The following MED28 variants were observed in gnomAD, a reference collection of about 807,000 sequenced individuals.
MED28 encodes the protein mediator of RNA polymerase II transcription subunit 28.
Under a neutral mutation model 21.3 loss-of-function variants are expected in MED28, and 26 were observed. The ratio of observed to expected loss-of-function variants is 1.22; its 90% confidence interval spans 0.89 to 1.69. The LOEUF is 1.69. MED28 is among the 40% of genes most tolerant of loss of function. The probability of loss-of-function intolerance (pLI) is 0.00; values close to 1 mark genes in which losing one functional copy is unlikely to be tolerated. For synonymous variants in MED28, 110 were observed against 87.6 expected (o/e 1.26, Z -1.43); for missense variants, 257 against 215.4 (o/e 1.19, Z -1.21).
rs1714980392 is a variant in MED28 at position 17,632,435 on chromosome 4, T to C, written c.*8637T>C. 1.0e-6 allele frequency: 1 copy of C among 1,002,594 alleles called. No homozygotes were observed. Among genetic ancestry groups the C allele is most frequent in the Admixed American group, 2.6e-5 (1 of 38,524 alleles). 62.1% of individuals were successfully genotyped at this position (1,002,594 alleles called of 1,614,324 possible). On this transcript the variant is annotated 3_prime_UTR_variant, in exon 4 of 4. Coordinates refer to ENST00000237380, the MANE Select transcript of MED28 (RefSeq NM_025205.5). ...AGCTATCATATATAAATCATAAGCATATTATTTGGTTGGTTGGTGTTAGTT... is the reference window on the plus strand; with the variant it reads ...AGCTATCATATATAAATCATAAGCACATTATTTGGTTGGTTGGTGTTAGTT...
chr4:17,632,719 G>T lies in MED28; in HGVS notation c.*8921G>T. On this transcript the variant is annotated 3_prime_UTR_variant, in exon 4 of 4. Coordinates refer to ENST00000237380, the MANE Select transcript of MED28 (RefSeq NM_025205.5). ...TCTTTTCAGGGAAAGATAACTGCTTGTTTACTCTTCAAAAACACCCAAATG... is the reference window on the plus strand; with the variant it reads ...TCTTTTCAGGGAAAGATAACTGCTTTTTTACTCTTCAAAAACACCCAAATG... 1 of 838,002 alleles carries T rather than the reference G, an allele frequency of 1.2e-6. No individual in the cohort carries two copies. Among genetic ancestry groups the T allele is most frequent in the Non-Finnish European group, 1.9e-6 (1 of 529,858 alleles). The allele number at this position is 838,002 out of a possible 1,614,324, so 51.9% of individuals were successfully genotyped here.
At position 17,624,425 on chromosome 4, in the gene MED28, G is replaced by C. The variant is rs994560804; in HGVS notation, c.*627G>C. ...GATCCTTAGGTTGATGCTGACTTCT[G>C]TTTGGGGTATGTTTATATTTTATGT... On this transcript the variant is annotated 3_prime_UTR_variant, in exon 4 of 4. Transcript: ENST00000237380. 2.6e-5 allele frequency: 4 copies of C among 151,860 alleles called. No individual in the cohort carries two copies. The highest frequency in any genetic ancestry group is 2.1e-4 in the South Asian group (1 of 4,830). 9.4% of individuals were successfully genotyped at this position (151,860 alleles called of 1,614,324 possible).
chr4:17,632,731 A>G lies in MED28; in HGVS notation c.*8933A>G, dbSNP rs576947377. The G allele has an allele frequency of 1.1e-5, 8 of 744,368 alleles. No individual in the cohort carries two copies. The highest frequency in any genetic ancestry group is 1.0e-4 in the South Asian group (6 of 58,206). 46.1% of individuals were successfully genotyped at this position (744,368 alleles called of 1,614,324 possible). On this transcript the variant is annotated 3_prime_UTR_variant, in exon 4 of 4. Coordinates refer to ENST00000237380, the MANE Select transcript of MED28 (RefSeq NM_025205.5). The stretch of plus-strand genomic sequence containing the variant: ...AAGATAACTGCTTGTTTACTCTTCA[A>G]AAACACCCAAATGGGACTGGCCAAC...
intron 1 of MED28, among the ~76,000 whole-genome samples, chr4:17,616,157 A>G (rs182117055): frequency 1.3e-5 from 2 of 152,074 alleles, no homozygotes; most frequent in African/African-American, 4.8e-5. Context: ...GGGCTTCACT[A>G]TCTTGGCCAG....
At position 17,632,532 on chromosome 4, in the gene MED28, T is replaced by G; in HGVS notation, c.*8734T>G. On this transcript the variant is annotated 3_prime_UTR_variant, in exon 4 of 4. Coordinates refer to ENST00000237380, the MANE Select transcript of MED28 (RefSeq NM_025205.5). ...TCTGTGATGTATCCCAAAGGTTAGC[T>G]TAGAAAGAAAAGTACTTGGTGAACC... is the stretch of plus-strand genomic sequence containing the variant. 6.5e-7 allele frequency: 1 copy of G among 1,549,226 alleles called. No homozygotes were observed.
At chr4:17,618,993 C>G (rs910327489) in intron 1 of MED28, among the ~76,000 whole-genome samples, 2 of 152,244 alleles carry the variant, frequency 1.3e-5, no homozygotes, top group Non-Finnish European at 2.9e-5. Context: ...GAGCTCAGAT[C>G]TGTCTGCCTC....
In MED28 at chr4:17,624,360, G is replaced by A. The variant is rs149358905; in HGVS notation, c.*562G>A. 0.011 allele frequency: 1,800 copies of A among 157,698 alleles called. 40 individuals are homozygous for A. The highest frequency in any genetic ancestry group is 0.041 in the African/African-American group (1,695 of 41,564). The allele number at this position is 157,698 out of a possible 1,614,324, so 9.8% of individuals were successfully genotyped here. ...TTTTTTTGTAAATAGGTCAGAAGACGATGGAACTGTCCTGGGTTAGTATAG... is the reference window on the plus strand; with the variant it reads ...TTTTTTTGTAAATAGGTCAGAAGACAATGGAACTGTCCTGGGTTAGTATAG... On this transcript the variant is annotated 3_prime_UTR_variant, in exon 4 of 4. Transcript: ENST00000237380.
chr4:17,619,112 C>A (rs894579750), intron 1 of MED28, among the ~76,000 whole-genome samples: 1 of 152,190 alleles, frequency 6.6e-6, no homozygotes, highest in African/African-American at 2.4e-5. Flanking sequence ...CTGTGCCTCC[C>A]CAATCTCCCT....
chr4:17,621,240 C>CT (rs1162054984), intron 2 of MED28, among the ~76,000 whole-genome samples: 10 of 151,878 alleles, frequency 6.6e-5, no homozygotes, highest in African/African-American at 2.4e-4. Flanking sequence ...TCTCAATCTC[C>CT]TAACCTCATG....
chr4:17,616,202 G>T (rs992236465), intron 1 of MED28, among the ~76,000 whole-genome samples: 1 of 152,116 alleles, frequency 6.6e-6, no homozygotes, highest in Non-Finnish European at 1.5e-5. Context: ...TGATCCACCC[G>T]CCTCGGCCTC....
chr4:17,614,882 C>T, intron 1 of MED28, 69 bp downstream of exon 1: 1 of 1,498,030 alleles, frequency 6.7e-7, no homozygotes, highest in South Asian at 1.3e-5. Flanking sequence ...TGCGCGTACG[C>T]GTATCTCCTC....
At position 17,631,030 on chromosome 4, in the gene MED28, G is replaced by A. The variant is rs1028248928; in HGVS notation, c.*7232G>A. On this transcript the variant is annotated 3_prime_UTR_variant, in exon 4 of 4. Transcript: ENST00000237380. The stretch of plus-strand genomic sequence containing the variant: ...ATTTTGCCCCCTAAAAGTTGTTATT[G>A]AGTCTTGTCAAATCACATTGCTCTG... The A allele has an allele frequency of 2.0e-5, 3 of 152,162 alleles. No individual in the cohort carries two copies. The highest frequency in any genetic ancestry group is 7.2e-5 in the African/African-American group (3 of 41,426). 9.4% of individuals were successfully genotyped at this position (152,162 alleles called of 1,614,324 possible). A position where few individuals can be genotyped will look rare whatever the true frequency, so the allele number is the denominator to read the frequency against.
Position 17,623,869 on chromosome 4 carries a change from A to T in MED28, c.*71A>T. On this transcript the variant is annotated 3_prime_UTR_variant, in exon 4 of 4. Transcript: ENST00000237380. ...GTTGGCCACACATTCCTTCCTGTGG[A>T]CTTGACATTTTGGAAGAACTCTTTG... 1 of 1,495,166 alleles carries T rather than the reference A, an allele frequency of 6.7e-7. No homozygotes were observed. The highest frequency in any genetic ancestry group is 9.1e-7 in the Non-Finnish European group (1 of 1,099,288). 92.6% of individuals were successfully genotyped at this position (1,495,166 alleles called of 1,614,324 possible). A position where few individuals can be genotyped will look rare whatever the true frequency, so the allele number is the denominator to read the frequency against.
chr4:17,632,830 G>C lies in MED28; in HGVS notation c.*9032G>C, dbSNP rs567233283. ...CCTAATCCTCATTTGGAAAACAGAA[G>C]GTTCACCATTGTTTGGTTCTCCATT... is the stretch of plus-strand genomic sequence containing the variant. On this transcript the variant is annotated 3_prime_UTR_variant, in exon 4 of 4. Coordinates refer to ENST00000237380, the MANE Select transcript of MED28 (RefSeq NM_025205.5). The C allele has an allele frequency of 2.2e-6, 1 of 454,150 alleles. No homozygotes were observed. Among genetic ancestry groups the C allele is most frequent in the African/African-American group, 2.0e-5 (1 of 51,088 alleles). The allele number at this position is 454,150 out of a possible 1,614,324, so 28.1% of individuals were successfully genotyped here.
In MED28 at chr4:17,628,255, C is replaced by CGTGTGT. The variant is rs71167314; in HGVS notation, c.*4488_*4493dup. ...GCTGGTTAAAACGAGTGACAGCTGC[C>CGTGTGT]GTGTGTGTGTGTGTGTGTGTGTGTG... On this transcript the variant is annotated 3_prime_UTR_variant, in exon 4 of 4. Coordinates refer to ENST00000237380, the MANE Select transcript of MED28 (RefSeq NM_025205.5). 0.094 allele frequency: 13,191 copies of CGTGTGT among 140,728 alleles called. 726 individuals are homozygous for CGTGTGT. Among genetic ancestry groups the CGTGTGT allele is most frequent in the Non-Finnish European group, 0.1 (6,751 of 65,114 alleles). The allele number at this position is 140,728 out of a possible 1,614,324, so 8.7% of individuals were successfully genotyped here.
Position 17,624,504 on chromosome 4 carries a change from CTAACATTCATTACATTCTGCA to C in MED28, c.*707_*727del, listed in dbSNP as rs1380740074. ...AGGATATAGTGGGAGCAGTGATACGCTAACATTCATTACATTCTGCAGTAATGAATCTGTTTAATGGGTCAG... is the reference window on the plus strand; with the variant it reads ...AGGATATAGTGGGAGCAGTGATACGCGTAATGAATCTGTTTAATGGGTCAG... On this transcript the variant is annotated 3_prime_UTR_variant, in exon 4 of 4. Transcript: ENST00000237380. 6.6e-6 allele frequency: 1 copy of C among 151,940 alleles called. No individual in the cohort carries two copies. Among genetic ancestry groups the C allele is most frequent in the Non-Finnish European group, 1.5e-5 (1 of 68,066 alleles). The allele number at this position is 151,940 out of a possible 1,614,324, so 9.4% of individuals were successfully genotyped here.
chr4:17,634,060 T>C lies in MED28; in HGVS notation c.*10262T>C, dbSNP rs1715050458. ...AAGCACTTTTCCCTCCAATCTTCATTTTGTATTATAAATAAATATGTATGT... is the reference window on the plus strand; with the variant it reads ...AAGCACTTTTCCCTCCAATCTTCATCTTGTATTATAAATAAATATGTATGT... On this transcript the variant is annotated 3_prime_UTR_variant, in exon 4 of 4. Transcript: ENST00000237380. The C allele has an allele frequency of 8.2e-6, 4 of 486,300 alleles. No homozygotes were observed. Among genetic ancestry groups the C allele is most frequent in the Non-Finnish European group, 1.4e-5 (4 of 290,664 alleles). The allele number at this position is 486,300 out of a possible 1,614,324, so 30.1% of individuals were successfully genotyped here. A position where few individuals can be genotyped will look rare whatever the true frequency, so the allele number is the denominator to read the frequency against.
intron 1 of MED28, among the ~76,000 whole-genome samples, chr4:17,615,234 G>A (rs1056868113): frequency 2.6e-5 from 4 of 152,200 alleles, no homozygotes; most frequent in Admixed American, 1.3e-4. Flanking sequence ...ACTCTTAAGA[G>A]CGGAAATTGA....
At position 17,632,840 on chromosome 4, in the gene MED28, T is replaced by G; in HGVS notation, c.*9042T>G. ...ATTTGGAAAACAGAAGGTTCACCAT[T>G]GTTTGGTTCTCCATTGTTCCTTTGA... On this transcript the variant is annotated 3_prime_UTR_variant, in exon 4 of 4. Coordinates refer to ENST00000237380, the MANE Select transcript of MED28 (RefSeq NM_025205.5). 2.3e-6 allele frequency: 1 copy of G among 436,024 alleles called. No individual in the cohort carries two copies. 27.0% of individuals were successfully genotyped at this position (436,024 alleles called of 1,614,324 possible).
Sources: gnomAD v4.1 joint callset for allele counts (sites outside exome capture counted in the v4.1 genomes callset) on GRCh38, gnomAD v4.1.1 for gene constraint, MANE v1.5 for transcripts, NCBI Gene and HGNC (gene_info 2026-07-23, HGNC 2026-07-21) for gene names.